Variants in SEMA5A observed in about 807,000 individuals in gnomAD.
The protein encoded by SEMA5A is semaphorin-5A.
In SEMA5A, 55 loss-of-function variants were observed where a neutral mutation model predicts 135.5. The ratio of observed to expected loss-of-function variants is 0.41; its 90% CI spans 0.33 to 0.51. The LOEUF (loss-of-function observed/expected upper bound fraction) is 0.51. Among genes scored for constraint, SEMA5A ranks in the 20% least tolerant of loss-of-function variants. The pLI is 0.37. For synonymous variants in SEMA5A, 580 were observed against 546.5 expected, an observed-to-expected ratio of 1.06 and a Z score of -0.85; for missense variants, 1,290 against 1,419.9, an observed-to-expected ratio of 0.91 and a Z score of 1.47.
At chr5:9,471,416 C>A (rs1222241010) in intron 1 of SEMA5A, among the ~76,000 whole-genome samples, 2 of 152,066 alleles carry the variant, frequency 1.3e-5, no homozygotes, top group Non-Finnish European at 2.9e-5. Context: ...ATTCTGTATT[C>A]TAATTCTCTA....
intron 1 of SEMA5A, among the ~76,000 whole-genome samples, chr5:9,519,120 T>C (rs1009926951): frequency 1.3e-5 from 2 of 152,236 alleles, no homozygotes; most frequent in African/African-American, 4.8e-5. Context: ...CCTTTCTCTG[T>C]AAAACATGGA....
intron 15 of SEMA5A, among the ~76,000 whole-genome samples, chr5:9,112,515 G>A (rs1740296126): frequency 6.6e-6 from 1 of 152,078 alleles, no homozygotes. Flanking sequence ...ATGGCAACAG[G>A]GAAACTGCAC....
At chr5:9,331,622 T>C (rs1029147202) in intron 4 of SEMA5A, among the ~76,000 whole-genome samples, 3 of 152,226 alleles carry the variant, frequency 2.0e-5, no homozygotes, top group African/African-American at 7.2e-5. Context: ...AGAGGCATTT[T>C]CTTTGTCTTG....
intron 16 of SEMA5A, among the ~76,000 whole-genome samples, chr5:9,068,877 A>C (rs900393084): frequency 2.0e-5 from 3 of 152,180 alleles, no homozygotes; most frequent in African/African-American, 2.4e-5. Flanking sequence ...ACGGTAAAAG[A>C]CTACAAAGCA....
chr5:9,526,534 C>T (rs1462554486), intron 1 of SEMA5A, among the ~76,000 whole-genome samples: 1 of 152,182 alleles, frequency 6.6e-6, no homozygotes, highest in African/African-American at 2.4e-5. Context: ...GAGAGACTGA[C>T]CTAGAACACA....
intron 2 of SEMA5A, among the ~76,000 whole-genome samples, chr5:9,403,450 C>T (rs555803604): frequency 1.3e-5 from 2 of 152,132 alleles, no homozygotes; most frequent in Non-Finnish European, 2.9e-5. Flanking sequence ...CTGTACTGCC[C>T]CTTGCTGGCT....
chr5:9,243,113 G>C (rs59404752), intron 5 of SEMA5A, among the ~76,000 whole-genome samples: 1 of 152,176 alleles, frequency 6.6e-6, no homozygotes, highest in Non-Finnish European at 1.5e-5. Flanking sequence ...GAGCTGTTGT[G>C]AGAAACTACC....
intron 5 of SEMA5A, among the ~76,000 whole-genome samples, chr5:9,269,570 G>C (rs1439202083): frequency 6.6e-6 from 1 of 152,130 alleles, no homozygotes. Flanking sequence ...GGTAGAGCTT[G>C]AAGGAGATAA....
rs1736016221 is a variant in SEMA5A at position 9,042,502 on chromosome 5, CTTTCAGAGAAAGTGCCTA to C, written c.*377_*394del. The C allele has an allele frequency of 8.8e-6, 2 of 228,414 alleles. No individual in the cohort carries two copies. Among genetic ancestry groups the C allele is most frequent in the African/African-American group, 2.4e-5 (1 of 42,078 alleles). The allele number at this position is 228,414 out of a possible 1,614,324, so 14.1% of individuals were successfully genotyped here. On this transcript the variant is annotated 3_prime_UTR_variant, in exon 23 of 23. Coordinates refer to ENST00000382496, the MANE Select transcript of SEMA5A (RefSeq NM_003966.3). ...TGCACTTCTTGTGGAAGGAGCAGGT[CTTTCAGAGAAAGTGCCTA>C]TTTTCTTGAATTACAACATCATGAA...
rs529438221 is a variant in SEMA5A at position 9,060,663 on chromosome 5, G to A, written c.2518+2224C>T. ...GCAGAGGAGGAGTCTCCTGAGGCTG[G>A]AGAAATTCAAGCAGAGACACCCTAG... On this transcript the variant is annotated intron_variant, in intron 18 of 22. Coordinates refer to ENST00000382496, the MANE Select transcript of SEMA5A (RefSeq NM_003966.3). Among the ~76,000 whole-genome samples the A allele has an allele frequency of 2.0e-5, 3 of 152,220 alleles. No individual in the cohort carries two copies. In the East Asian group the frequency reaches 5.8e-4, roughly 29 times the overall value.
rs1419608590 is a variant in SEMA5A at position 9,484,845 on chromosome 5, TCTC to T, written c.-174-46996_-174-46994del. 3.3e-5 allele frequency among the ~76,000 whole-genome samples: 5 copies of T among 152,120 alleles called. No homozygotes were observed. The East Asian group carries it at 9.7e-4, about 29-fold the overall frequency. On this transcript the variant is annotated intron_variant, in intron 1 of 22. Transcript: ENST00000382496. ...AACATCCCAAAAGTTCGGGTCCTTC[TCTC>T]CTCCTCCACACCCTCCATTACACAA...
intron 2 of SEMA5A, among the ~76,000 whole-genome samples, chr5:9,423,114 G>T (rs969071782): frequency 1.4e-4 from 22 of 152,140 alleles, no homozygotes; most frequent in Non-Finnish European, 1.5e-5. Flanking sequence ...CAGCAGAGAA[G>T]GAGAATCACA....
intron 21 of SEMA5A, among the ~76,000 whole-genome samples, 175 bp downstream of exon 21, chr5:9,050,235 C>A (rs1008445369): frequency 3.3e-5 from 5 of 152,170 alleles, no homozygotes; most frequent in Admixed American, 3.3e-4. Flanking sequence ...CCGATCGGTA[C>A]ATCAAATATT....
intron 11 of SEMA5A, among the ~76,000 whole-genome samples, chr5:9,162,508 G>A (rs1452443172): frequency 1.7e-5 from 1 of 59,162 alleles, no homozygotes; most frequent in African/African-American, 4.8e-5. Flanking sequence ...GTATATATAG[G>A]AATATATGTG....
At position 9,246,659 on chromosome 5, in the gene SEMA5A, G is replaced by A. The variant is rs190665610; in HGVS notation, c.271-8769C>T. Among the ~76,000 whole-genome samples, 453 of 152,196 alleles carry A rather than the reference G, an allele frequency of 3.0e-3. 3 individuals carry two copies. The Middle Eastern group carries it at 0.054, about 18-fold the overall frequency. On this transcript the variant is annotated intron_variant, in intron 5 of 22. Coordinates refer to ENST00000382496, the MANE Select transcript of SEMA5A (RefSeq NM_003966.3). Reference sequence around the variant, plus strand: ...AGTTATGAAAAATGTCACACCAACCGAGCTTAGTAAGACTATCTGAAGATT... The same window carrying A: ...AGTTATGAAAAATGTCACACCAACCAAGCTTAGTAAGACTATCTGAAGATT...
At chr5:9,078,983 T>C (rs1738222988) in intron 16 of SEMA5A, among the ~76,000 whole-genome samples, 1 of 151,918 alleles carries the variant, frequency 6.6e-6, no homozygotes, top group Admixed American at 6.6e-5. Flanking sequence ...TTTGAGCTTT[T>C]GAGAAATATA....
intron 11 of SEMA5A, among the ~76,000 whole-genome samples, chr5:9,158,428 G>C (rs568496218): frequency 3.3e-5 from 5 of 151,250 alleles, no homozygotes; most frequent in Non-Finnish European, 5.9e-5. Context: ...TCTAACCAAA[G>C]TTATTTGCAT....
In SEMA5A at chr5:9,224,682, C is replaced by G; in HGVS notation, c.638G>C (p.Trp213Ser). 2 of 1,614,058 alleles carry G rather than the reference C, an allele frequency of 1.2e-6. No homozygotes were observed. The highest frequency in any genetic ancestry group is 1.7e-6 in the Non-Finnish European group (2 of 1,179,966). Residue 213 changes from tryptophan to serine, a missense_variant, in exon 8 of 23, where the codon TGG (tryptophan) becomes TCG (serine). Physicochemically the swap from Trp to Ser is radical, Grantham distance 177. Transcript: ENST00000382496. ...PLRTAQYNSK[W>S]LNEPNFVSSY... ...AGTGACGGAAGGCTTACCATTGAGC[C>G]ATTTGGAGTTGTACTGCGCCGTGCG...
intron 11 of SEMA5A, among the ~76,000 whole-genome samples, chr5:9,172,987 C>A (rs1560987361): frequency 1.3e-5 from 2 of 152,192 alleles, no homozygotes; most frequent in Non-Finnish European, 1.5e-5. Context: ...TCACAGCCTT[C>A]AAAATCCAGA....
Sources: gnomAD v4.1 joint callset for allele counts (sites outside exome capture counted in the v4.1 genomes callset) on GRCh38, gnomAD v4.1.1 for gene constraint, MANE v1.5 for transcripts, NCBI Gene and HGNC (gene_info 2026-07-23, HGNC 2026-07-21) for gene names.